HEXB: variants seen among roughly 807,000 people sequenced by gnomAD.
The protein encoded by HEXB is hexosaminidase subunit beta.
HEXB carries 51 observed loss-of-function variants against 71.2 expected under a neutral mutation model. The observed-to-expected ratio is 0.72, with a 90% CI of 0.57 to 0.90. The LOEUF (loss-of-function observed/expected upper bound fraction) is 0.90. HEXB is among the 40% of genes least tolerant of loss of function. The pLI is 0.00. For missense variants in HEXB, 617 were observed against 677.0 expected (o/e 0.91, Z 0.98); for synonymous variants, 266 against 249.3 (o/e 1.07, Z -0.63).
In HEXB at chr5:74,647,415, A is replaced by T. The variant is rs562715916; in HGVS notation, c.-377+6857A>T. On this transcript the variant is annotated intron_variant, in intron 1 of 13. Transcript: ENST00000511181. ...ATTTTATGGTACTCTGCAAGCACAG[A>T]TGCTACTTACTGCTTATAGCTCAGC... 6.6e-5 allele frequency among the ~76,000 whole-genome samples: 10 copies of T among 152,358 alleles called. 1 individual carries two copies. The South Asian group carries it at 2.1e-3, about 32-fold the overall frequency.
rs1051745337 is a variant in HEXB, at chr5:74,685,530, C to G, written c.270C>G (p.Ser90=). 1 of 1,592,064 alleles carries G rather than the reference C, an allele frequency of 6.3e-7. No individual in the cohort carries two copies. The highest frequency in any genetic ancestry group is 8.5e-7 in the Non-Finnish European group (1 of 1,170,204). ...SHSPNSTAGP[S]CTLLEEAFRR... is the part of the protein sequence containing the mutation. ...GCCCCAATTCCACGGCGGGCCCCTC[C>G]TGCACCCTGCTGGAGGAAGCGTTTC... The change falls in exon 1 of 14, where the codon TCC becomes TCG. Residue 90 remains serine, a synonymous_variant. Coordinates refer to ENST00000261416, the MANE Select transcript of HEXB (RefSeq NM_000521.4).
intron 9 of HEXB, 61 bp downstream of exon 9, chr5:74,716,734 G>T: frequency 9.2e-7 from 1 of 1,081,128 alleles, no homozygotes; most frequent in Non-Finnish European, 1.4e-6. Context: ...ATTTAGTAAT[G>T]TGCTTTATTT....
intron 1 of HEXB, among the ~76,000 whole-genome samples, chr5:74,688,645 C>A (rs1381023642): frequency 1.3e-5 from 2 of 152,128 alleles, no homozygotes; most frequent in Non-Finnish European, 2.9e-5. Context: ...AGCTGGCCAA[C>A]AAAAAGTAAA....
At chr5:74,711,888 C>G (rs1277905451) in intron 6 of HEXB, among the ~76,000 whole-genome samples, 1 of 150,886 alleles carries the variant, frequency 6.6e-6, no homozygotes, top group Non-Finnish European at 1.5e-5. Context: ...CCTCAGGGAT[C>G]TAGAACTAGA....
chr5:74,713,359 A>G (rs1749595713), intron 6 of HEXB, 147 bp from the exon 7 acceptor site: 2 of 739,790 alleles, frequency 2.7e-6, no homozygotes, highest in Non-Finnish European at 4.6e-6. Flanking sequence ...TTATTTTTAA[A>G]TGAGTCATCT....
At chr5:74,640,321 G>C (rs1202088211) in exon 1 of HEXB, 2 of 152,650 alleles carry the variant, frequency 1.3e-5, no homozygotes, top group African/African-American at 4.8e-5. Context: ...GTGGCGACTG[G>C]CCGCAACGCA....
At chr5:74,643,914 C>T (rs547724828) in intron 1 of HEXB, among the ~76,000 whole-genome samples, 1 of 152,328 alleles carries the variant, frequency 6.6e-6, no homozygotes, top group African/African-American at 2.4e-5. Flanking sequence ...TATGAGGACA[C>T]TTTCTGAATC....
intron 5 of HEXB, among the ~76,000 whole-genome samples, chr5:74,701,366 T>C (rs1749257020): frequency 1.3e-5 from 2 of 152,212 alleles, no homozygotes; most frequent in South Asian, 4.1e-4. Flanking sequence ...GAATTTACTT[T>C]AGTGTATCAA....
chr5:74,721,072 A>G, intron 13 of HEXB, 46 bp from the exon 14 acceptor site: 6 of 1,356,988 alleles, frequency 4.4e-6, no homozygotes, highest in Non-Finnish European at 6.3e-6. Flanking sequence ...TATGAATGAT[A>G]TCAATCTAAA....
intron 1 of HEXB, among the ~76,000 whole-genome samples, chr5:74,655,065 C>G (rs1247151051): frequency 3.3e-5 from 5 of 152,030 alleles, no homozygotes; most frequent in African/African-American, 7.2e-5. Flanking sequence ...GGTGAGCCCC[C>G]CAAGAGAGGC....
chr5:74,702,261 G>A (rs373321599), intron 5 of HEXB, among the ~76,000 whole-genome samples: 1 of 150,482 alleles, frequency 6.6e-6, no homozygotes, highest in South Asian at 2.1e-4. Context: ...TGTATTTTTA[G>A]TAGAGACGGG....
intron 11 of HEXB, 59 bp downstream of exon 11, chr5:74,719,030 G>A: frequency 1.3e-6 from 2 of 1,524,692 alleles, no homozygotes; most frequent in South Asian, 1.1e-5. Flanking sequence ...GGTAAGTGAA[G>A]CAACCATTGT....
intron 1 of HEXB, among the ~76,000 whole-genome samples, chr5:74,661,219 C>T (rs977074242): frequency 6.6e-6 from 1 of 152,170 alleles, no homozygotes; most frequent in Admixed American, 6.5e-5. Context: ...ATCACCCTAG[C>T]CTTCCAGAAG....
Position 74,652,937 on chromosome 5 carries a change from T to C in HEXB, c.-377+12379T>C, listed in dbSNP as rs1748148013. 6.6e-6 allele frequency among the ~76,000 whole-genome samples: 1 copy of C among 152,228 alleles called. No homozygotes were observed. Among genetic ancestry groups the C allele is most frequent in the East Asian group, 1.9e-4 (1 of 5,190 alleles). ...TATATACCAGTCATTTTTAATGCCC[T>C]CTTTGCTTTACTGAAATGGAATTTA... On this transcript the variant is annotated intron_variant, in intron 1 of 13. Transcript: ENST00000511181. The surrounding 1 kb of genome is among the most constrained non-coding windows in gnomAD (Gnocchi z 5.4).
chr5:74,677,490 C>CTTTTTTTTTTTTTTT (rs566302720), intron 1 of HEXB, among the ~76,000 whole-genome samples: 12 of 77,272 alleles, frequency 1.6e-4, no homozygotes, highest in Non-Finnish European at 2.8e-4. Flanking sequence ...TCTTCTTCTT[C>CTTTTTTTTTTTTTTT]TTTTTTTTTT....
At chr5:74,642,861 C>T (rs1184552962) in intron 1 of HEXB, among the ~76,000 whole-genome samples, 1 of 152,108 alleles carries the variant, frequency 6.6e-6, no homozygotes, top group African/African-American at 2.4e-5. Context: ...TGTCACCATC[C>T]GCTGGTGCCA....
rs820879 is a variant in HEXB at position 74,685,837 on chromosome 5, G to A, written c.299+278G>A. Among the ~76,000 whole-genome samples the A allele has an allele frequency of 0.66, 100,382 of 151,918 alleles. 34,065 individuals carry two copies. Among genetic ancestry groups the A allele is most frequent in the Non-Finnish European group, 0.74 (50,342 of 67,938 alleles). ...GCTCTGAGGCCTTGTTGGGCAAATG[G>A]CATGGACGGAGGGGACACCGGAGCT... is the stretch of plus-strand genomic sequence containing the variant. On this transcript the variant is annotated intron_variant, in intron 1 of 13. Transcript: ENST00000261416.
At chr5:74,695,494 C>T (rs965936789) in intron 3 of HEXB, among the ~76,000 whole-genome samples, 3 of 150,468 alleles carry the variant, frequency 2.0e-5, no homozygotes, top group Non-Finnish European at 4.4e-5. Flanking sequence ...TGAGCCACTG[C>T]GCCCAGCCAA....
At chr5:74,688,546 T>C (rs1264037304) in intron 1 of HEXB, among the ~76,000 whole-genome samples, 6 of 152,168 alleles carry the variant, frequency 3.9e-5, no homozygotes, top group African/African-American at 7.2e-5. Context: ...AGTTTCACTA[T>C]GTGGGCCGGG....
Sources: gnomAD v4.1 joint callset for allele counts (sites outside exome capture counted in the v4.1 genomes callset) on GRCh38, gnomAD v4.1.1 for gene constraint, Gnocchi (gnomAD v3.1) non-coding constraint, MANE v1.5 for transcripts, NCBI Gene and HGNC (gene_info 2026-07-23, HGNC 2026-07-21) for gene names.